The following ELFN2 variants were observed in gnomAD, a reference collection of about 807,000 sequenced individuals.
ELFN2 encodes the protein protein phosphatase 1 regulatory subunit 29.
ELFN2 carries 17 observed loss-of-function variants against 45.5 expected under a neutral mutation model. That is an observed-to-expected ratio of 0.37 (90% CI 0.26 to 0.56). ELFN2 has a LOEUF of 0.56. Among genes scored for constraint, ELFN2 ranks in the 20% least tolerant of loss-of-function variants. ELFN2 has a pLI of 0.77. For missense variants in ELFN2, 922 were observed against 1,183.2 expected (o/e 0.78, Z 3.24); for synonymous variants, 550 against 551.5 (o/e 1.00, Z 0.04).
intron 2 of ELFN2, among the ~76,000 whole-genome samples, chr22:37,405,061 C>A (rs920402097): frequency 9.4e-5 from 14 of 148,474 alleles, no homozygotes; most frequent in African/African-American, 3.2e-4. Context: ...GGAACCAGGG[C>A]AAGGCCCCTC....
At chr22:37,396,465 T>A (rs1932214185) in intron 2 of ELFN2, among the ~76,000 whole-genome samples, 1 of 152,070 alleles carries the variant, frequency 6.6e-6, no homozygotes, top group Non-Finnish European at 1.5e-5. Context: ...GGTGCCAGGA[T>A]CCCCCAGCGG....
intron 2 of ELFN2, among the ~76,000 whole-genome samples, chr22:37,409,911 C>T (rs1932603331): frequency 6.6e-6 from 1 of 152,142 alleles, no homozygotes; most frequent in Non-Finnish European, 1.5e-5. Flanking sequence ...TCAGTGACAG[C>T]CTCTGGGGAG....
At chr22:37,397,155 C>T (rs190134496) in intron 2 of ELFN2, among the ~76,000 whole-genome samples, 1 of 152,138 alleles carries the variant, frequency 6.6e-6, no homozygotes, top group Non-Finnish European at 1.5e-5. Context: ...TTCACCACTC[C>T]ACTCCACAGC....
rs1259124025 is a variant in ELFN2, at chr22:37,368,126, A to G, written c.*4946T>C. ...AAAATAAAGTTAACCCCCACCCCCA[A>G]AAGAAGAAAAGGAGAGGGTTCAAGG... On this transcript the variant is annotated 3_prime_UTR_variant, in exon 3 of 3. Coordinates refer to ENST00000402918, the MANE Select transcript of ELFN2 (RefSeq NM_052906.5). 2.6e-5 allele frequency: 4 copies of G among 152,346 alleles called. No individual in the cohort carries two copies. Among genetic ancestry groups the G allele is most frequent in the Admixed American group, 1.3e-4 (2 of 15,270 alleles). The allele number at this position is 152,346 out of a possible 1,614,324, so 9.4% of individuals were successfully genotyped here.
downstream of ELFN2, among the ~76,000 whole-genome samples, chr22:37,366,193 G>A (rs1453320569): frequency 6.6e-6 from 1 of 152,204 alleles, no homozygotes; most frequent in African/African-American, 2.4e-5. Flanking sequence ...TTAGCCCAAA[G>A]CCCCAAAACA....
chr22:37,389,979 C>T (rs996024384), intron 2 of ELFN2, among the ~76,000 whole-genome samples: 1 of 152,182 alleles, frequency 6.6e-6, no homozygotes. Flanking sequence ...GGGTGAGGAA[C>T]CTGGCCTGCC....
chr22:37,341,975 C>T (rs1254973967), intron 2 of ELFN2, among the ~76,000 whole-genome samples: 1 of 152,132 alleles, frequency 6.6e-6, no homozygotes, highest in Non-Finnish European at 1.5e-5. Flanking sequence ...CTCACCCACT[C>T]ATCACTTGCA....
At chr22:37,380,780 A>G (rs535532096) in intron 2 of ELFN2, among the ~76,000 whole-genome samples, 1 of 152,272 alleles carries the variant, frequency 6.6e-6, no homozygotes, top group African/African-American at 2.4e-5. Context: ...GCACCAGGAC[A>G]GGAACTCTGC....
At position 37,375,574 on chromosome 22, in the gene ELFN2, G is replaced by T; in HGVS notation, c.-40C>A. 2.0e-6 allele frequency: 3 copies of T among 1,493,682 alleles called. No homozygotes were observed. Among genetic ancestry groups the T allele is most frequent in the Non-Finnish European group, 2.7e-6 (3 of 1,121,194 alleles). The allele number at this position is 1,493,682 out of a possible 1,614,324, so 92.5% of individuals were successfully genotyped here. ...AGTGAGGGGCCAGGGCAAGGCAGGG[G>T]GTGCCTAGCGGCCAGAGGCTGGGGC... On this transcript the variant is annotated 5_prime_UTR_variant, in exon 3 of 3. Coordinates refer to ENST00000402918, the MANE Select transcript of ELFN2 (RefSeq NM_052906.5).
chr22:37,366,307 T>C, downstream of ELFN2, among the ~76,000 whole-genome samples: 1 of 152,338 alleles, frequency 6.6e-6, no homozygotes, highest in East Asian at 1.9e-4. Context: ...AGTGACTTTC[T>C]AAGCCTAAGA....
chr22:37,368,646 G>C lies in ELFN2; in HGVS notation c.*4426C>G, dbSNP rs542287986. On this transcript the variant is annotated 3_prime_UTR_variant, in exon 3 of 3. Transcript: ENST00000402918. ...GCCACCTTGTCAGACAGGAGAGGTG[G>C]CAATGGGGCCAGCCAGGCAAGGCTG... is the stretch of plus-strand genomic sequence containing the variant. The C allele has an allele frequency of 2.2e-4, 34 of 152,444 alleles. No homozygotes were observed. Among genetic ancestry groups the C allele is most frequent in the African/African-American group, 8.2e-4 (34 of 41,582 alleles). The allele number at this position is 152,444 out of a possible 1,614,324, so 9.4% of individuals were successfully genotyped here.
intron 1 of ELFN2, among the ~76,000 whole-genome samples, chr22:37,345,366 G>A (rs181599009): frequency 2.0e-5 from 3 of 152,272 alleles, no homozygotes; most frequent in Admixed American, 6.5e-5. Flanking sequence ...CCCTATCTGT[G>A]TGATCTCAGC....
In ELFN2 at chr22:37,422,815, G is replaced by A. The variant is rs562445735; in HGVS notation, c.-614+4483C>T. ...TCACCATGTTGGCCAGGCTGGTCTC[G>A]AACTCCTGACCTCAGGTGATCCTTC... On this transcript the variant is annotated intron_variant, in intron 1 of 2. Coordinates refer to ENST00000402918, the MANE Select transcript of ELFN2 (RefSeq NM_052906.5). 4.0e-5 allele frequency among the ~76,000 whole-genome samples: 6 copies of A among 150,432 alleles called. No homozygotes were observed. The South Asian group carries it at 8.8e-4, about 22-fold the overall frequency.
In ELFN2 at chr22:37,358,293, T is replaced by C. The variant is rs142141252; in HGVS notation, n.149-15590A>G. Among the ~76,000 whole-genome samples, 692 of 152,338 alleles carry C rather than the reference T, an allele frequency of 4.5e-3. 7 individuals carry two copies. Among genetic ancestry groups the C allele is most frequent in the African/African-American group, 0.016 (671 of 41,560 alleles). On this transcript the variant is annotated intron_variant and non_coding_transcript_variant, in intron 1 of 2. Transcript: ENST00000452946. ...CCAGGAAGTAGGAGTTCCGTGTTGA[T>C]GGTTACATCTGCACATGCTACAAGT... is the stretch of plus-strand genomic sequence containing the variant.
At chr22:37,411,405 TG>T (rs34095607) in intron 2 of ELFN2, among the ~76,000 whole-genome samples, 105,104 of 152,070 alleles carry the variant, frequency 0.69, 37,744 homozygotes, top group African/African-American at 0.89. Context: ...GGATGATGCT[TG>T]GGGGTCCCTG....
rs977185672 is a variant in ELFN2, at chr22:37,368,415, A to G, written c.*4657T>C. 2.6e-5 allele frequency: 4 copies of G among 152,412 alleles called. No homozygotes were observed. The highest frequency in any genetic ancestry group is 5.9e-5 in the Non-Finnish European group (4 of 68,188). 9.4% of individuals were successfully genotyped at this position (152,412 alleles called of 1,614,324 possible). On this transcript the variant is annotated 3_prime_UTR_variant, in exon 3 of 3. Coordinates refer to ENST00000402918, the MANE Select transcript of ELFN2 (RefSeq NM_052906.5). ...AGGCCCAGACCATCCTGCCCGTCCT[A>G]CAGGACCCCCTTCCTCTCCCTCCTG...
In ELFN2 at chr22:37,377,998, C is replaced by T. The variant is rs191624653; in HGVS notation, c.-462-2002G>A. Among the ~76,000 whole-genome samples, 20 of 152,324 alleles carry T rather than the reference C, an allele frequency of 1.3e-4. 1 individual carries two copies. In the East Asian group the frequency reaches 3.1e-3, roughly 23 times the overall value. On this transcript the variant is annotated intron_variant, in intron 2 of 2. Transcript: ENST00000402918. Reference sequence around the variant, plus strand: ...CCATGCTTGCCACTTCAGAGATCCACGAGCCGGCCTGTCAGAGAACCCTCG... The same window carrying T: ...CCATGCTTGCCACTTCAGAGATCCATGAGCCGGCCTGTCAGAGAACCCTCG...
Position 37,407,123 on chromosome 22 carries a change from TTGTGTGTGTGCG to T in ELFN2, c.-463+10634_-463+10645del, listed in dbSNP as rs1285448109. ...ACTGGGTGTGTGCATTTGTGTGTGC[TTGTGTGTGTGCG>T]TGTGTGTGTGTGTCGTATGTGTACA... On this transcript the variant is annotated intron_variant, in intron 2 of 2. Transcript: ENST00000402918. Among the ~76,000 whole-genome samples the T allele has an allele frequency of 2.0e-5, 3 of 152,120 alleles. No homozygotes were observed. The East Asian group carries it at 5.8e-4, about 29-fold the overall frequency.
chr22:37,381,537 CCT>C (rs1002347770), intron 2 of ELFN2, among the ~76,000 whole-genome samples: 1 of 151,998 alleles, frequency 6.6e-6, no homozygotes, highest in African/African-American at 2.4e-5. Flanking sequence ...ACTCCCTGCC[CCT>C]GACCCCCACC....
Sources: allele counts gnomAD v4.1 joint callset (sites outside exome capture counted in the v4.1 genomes callset), GRCh38; gene constraint gnomAD v4.1.1; transcripts MANE v1.5; gene names NCBI Gene and HGNC (gene_info 2026-07-23, HGNC 2026-07-21).